COL3A1: variants seen among roughly 807,000 people sequenced by gnomAD.
The protein encoded by COL3A1 is collagen type III alpha 1 chain.
In COL3A1, 46 loss-of-function variants were observed where a neutral mutation model predicts 200.9. The ratio of observed to expected loss-of-function variants is 0.23; its 90% CI spans 0.18 to 0.29. COL3A1 has a LOEUF of 0.29. Ranked by LOEUF, COL3A1 falls within the 10% of genes least tolerant of loss-of-function variation. COL3A1 has a pLI of 1.00. For missense variants in COL3A1, 1,367 were observed against 1,917.6 expected (o/e 0.71, Z 5.36); for synonymous variants, 650 against 628.0 (o/e 1.03, Z -0.52).
At chr2:188,974,895 C>T (rs1355503437) in intron 1 of COL3A1, among the ~76,000 whole-genome samples, 1 of 152,186 alleles carries the variant, frequency 6.6e-6, no homozygotes, top group Non-Finnish European at 1.5e-5. Context: ...CTTCCCCAGG[C>T]AGTCTGGAAG....
In COL3A1 at chr2:189,004,321, G is replaced by T. The variant is rs587779511; in HGVS notation, c.2888G>T (p.Gly963Val). Residue 963 changes from glycine (G) to valine (V), a missense_variant, in exon 40 of 51, where the codon GGC (glycine) becomes GTC (valine). This residue lies in a region of COL3A1 where 846 missense variants were observed against 1,147.9 expected (regional missense o/e 0.74). Coordinates refer to ENST00000304636, the MANE Select transcript of COL3A1 (RefSeq NM_000090.4). ...GCACGGGGTCTTGCAGGACCACCAG[G>T]CATGCCAGGTCCTAGGGGAAGCCCT... ...TGARGLAGPP[G>V]MPGPRGSPGP... 1.2e-6 allele frequency: 2 copies of T among 1,607,350 alleles called. No homozygotes were observed. Among genetic ancestry groups the T allele is most frequent in the South Asian group, 1.1e-5 (1 of 88,944 alleles).
At chr2:188,993,508 A>G (rs1389831651) in intron 16 of COL3A1, 49 bp downstream of exon 16, 3 of 1,379,820 alleles carry the variant, frequency 2.2e-6, no homozygotes, top group South Asian at 1.2e-5. Flanking sequence ...TGCTTACTCC[A>G]TGAAAGCATA....
rs1033485840 is a variant in COL3A1 at position 188,982,548 on chromosome 2, T to C, written c.80-2212T>C. ...TAGCTTTAACTATTATCTTCATTTGTCTTTAATATGCCTTTAGTATTCAAT... is the reference window on the plus strand; with the variant it reads ...TAGCTTTAACTATTATCTTCATTTGCCTTTAATATGCCTTTAGTATTCAAT... On this transcript the variant is annotated intron_variant, in intron 1 of 50. Coordinates refer to ENST00000304636, the MANE Select transcript of COL3A1 (RefSeq NM_000090.4). Among the ~76,000 whole-genome samples, 4 of 151,858 alleles carry C rather than the reference T, an allele frequency of 2.6e-5. No homozygotes were observed. The South Asian group carries it at 8.3e-4, about 31-fold the overall frequency.
chr2:189,005,555 C>G (rs1688566869), intron 41 of COL3A1, 98 bp downstream of exon 41: 1 of 936,394 alleles, frequency 1.1e-6, no homozygotes, highest in African/African-American at 1.6e-5. Flanking sequence ...GTAAATATGG[C>G]CACATAGCAA....
rs1043047998 is a variant in COL3A1, at chr2:189,001,643, T to C, written c.2391+54T>C. 26 of 1,594,834 alleles carry C rather than the reference T, an allele frequency of 1.6e-5. No homozygotes were observed. The Admixed American group carries it at 3.8e-4, about 24-fold the overall frequency. On this transcript the variant is annotated intron_variant, in intron 34 of 50. Coordinates refer to ENST00000304636, the MANE Select transcript of COL3A1 (RefSeq NM_000090.4). ...TTTTTAACCCCATACAGACAGTAGC[T>C]ACTTATGCTTCCCTTTTTGGCAGTT...
At chr2:188,987,200 T>G in intron 5 of COL3A1, 61 bp downstream of exon 5, 1 of 1,348,288 alleles carries the variant, frequency 7.4e-7, no homozygotes, top group South Asian at 1.2e-5. Flanking sequence ...TGTAAAATCT[T>G]GAATGGTTGC....
intron 34 of COL3A1, among the ~76,000 whole-genome samples, chr2:189,001,890 G>T (rs1688474248): frequency 6.6e-6 from 1 of 152,090 alleles, no homozygotes; most frequent in African/African-American, 2.4e-5. Flanking sequence ...TAGAATCTTT[G>T]CCTGAGACTC....
At chr2:188,991,354 C>A in intron 11 of COL3A1, 133 bp from the exon 12 acceptor site, 1 of 665,648 alleles carries the variant, frequency 1.5e-6, no homozygotes, top group South Asian at 2.7e-5. Flanking sequence ...AAAATACTAA[C>A]AGAAAATTAA....
intron 11 of COL3A1, 115 bp downstream of exon 11, chr2:188,991,172 C>T (rs1218216249): frequency 3.6e-6 from 4 of 1,110,322 alleles, no homozygotes; most frequent in Non-Finnish European, 5.3e-6. Flanking sequence ...TGAATTTTAC[C>T]TATTAGGTGT....
At chr2:189,002,045 G>A (rs1376208358) in intron 34 of COL3A1, among the ~76,000 whole-genome samples, 1 of 152,108 alleles carries the variant, frequency 6.6e-6, no homozygotes, top group Non-Finnish European at 1.5e-5. Context: ...ATATAAATGT[G>A]TTAAATACTT....
At position 188,986,623 on chromosome 2, in the gene COL3A1, T is replaced by C. The variant is rs10172837; in HGVS notation, c.448-436T>C. Among the ~76,000 whole-genome samples the C allele has an allele frequency of 6.2e-3, 938 of 152,182 alleles. 14 individuals are homozygous for C. The highest frequency in any genetic ancestry group is 0.022 in the African/African-American group (913 of 41,564). On this transcript the variant is annotated intron_variant, in intron 4 of 50. Coordinates refer to ENST00000304636, the MANE Select transcript of COL3A1 (RefSeq NM_000090.4). ...CATATTAACCAGAATCCAGGGGATATGAATTTTACTTGTATCATTAAGTGT... is the reference window on the plus strand; with the variant it reads ...CATATTAACCAGAATCCAGGGGATACGAATTTTACTTGTATCATTAAGTGT...
Position 188,997,701 on chromosome 2 carries a change from G to C in COL3A1, c.1871G>C (p.Gly624Ala). 6.2e-7 allele frequency: 1 copy of C among 1,613,510 alleles called. No homozygotes were observed. Among genetic ancestry groups the C allele is most frequent in the Non-Finnish European group, 8.5e-7 (1 of 1,179,522 alleles). Residue 624 changes from glycine to alanine, a missense_variant and splice_region_variant, in exon 27 of 51, where the codon GGG becomes GCG. Coordinates refer to ENST00000304636, the MANE Select transcript of COL3A1 (RefSeq NM_000090.4). The stretch of plus-strand genomic sequence containing the variant: ...GAGTGTATCATTATACTTTTCTAGG[G>C]GCCTGGTGGTGACAAAGGAGACACA... ...TGPQGPPGPT[G>A]PGGDKGDTGP...
chr2:188,985,143 A>G (rs1460695954), intron 2 of COL3A1, 54 bp from the exon 3 acceptor site: 3 of 1,554,872 alleles, frequency 1.9e-6, no homozygotes, highest in South Asian at 1.1e-5. Flanking sequence ...CTGGGTTACT[A>G]AATAATATGC....
chr2:188,996,229 T>C (rs1688307272), intron 23 of COL3A1, 51 bp downstream of exon 23: 1 of 1,513,618 alleles, frequency 6.6e-7, no homozygotes, highest in South Asian at 1.1e-5. Context: ...AAATGGAATG[T>C]ATATGTTGGC....
chr2:188,991,370 T>G, intron 11 of COL3A1, 117 bp from the exon 12 acceptor site: 2 of 698,976 alleles, frequency 2.9e-6, no homozygotes, highest in Non-Finnish European at 4.6e-6. Flanking sequence ...ATTAATATTG[T>G]TAAAATGTAT....
At position 189,011,961 on chromosome 2, in the gene COL3A1, A is replaced by G. The variant is rs1039069085; in HGVS notation, c.*187A>G. On this transcript the variant is annotated 3_prime_UTR_variant, in exon 51 of 51. Coordinates refer to ENST00000304636, the MANE Select transcript of COL3A1 (RefSeq NM_000090.4). ...TTTTTTTGCTGTTCCACCAAATACAATTCAAATGCTTTTTGTTTTATTTTT... is the reference window on the plus strand; with the variant it reads ...TTTTTTTGCTGTTCCACCAAATACAGTTCAAATGCTTTTTGTTTTATTTTT... 1.7e-5 allele frequency: 11 copies of G among 641,064 alleles called. No individual in the cohort carries two copies. Among genetic ancestry groups the G allele is most frequent in the Non-Finnish European group, 2.9e-5 (11 of 375,434 alleles). 39.7% of individuals were successfully genotyped at this position (641,064 alleles called of 1,614,324 possible).
In COL3A1 at chr2:189,010,233, C is replaced by T. The variant is rs1375549964; in HGVS notation, c.3879C>T (p.Phe1293=). 2 of 1,614,012 alleles carry T rather than the reference C, an allele frequency of 1.2e-6. No individual in the cohort carries two copies. Among genetic ancestry groups the T allele is most frequent in the Admixed American group, 3.3e-5 (2 of 59,998 alleles). Residue 1293 remains phenylalanine (F), a synonymous_variant, in exon 49 of 51, where the codon TTC becomes TTT. Coordinates refer to ENST00000304636, the MANE Select transcript of COL3A1 (RefSeq NM_000090.4). ...QGCKLDAIKV[F]CNMETGETCI... The stretch of plus-strand genomic sequence containing the variant: ...GCAAATTGGATGCTATCAAGGTATT[C>T]TGTAATATGGAAACTGGGGAAACAT...
In COL3A1 at chr2:189,011,909, A is replaced by G; in HGVS notation, c.*135A>G. The G allele has an allele frequency of 1.0e-6, 1 of 953,954 alleles. No individual in the cohort carries two copies. The highest frequency in any genetic ancestry group is 1.6e-6 in the Non-Finnish European group (1 of 627,490). 59.1% of individuals were successfully genotyped at this position (953,954 alleles called of 1,614,324 possible). A position where few individuals can be genotyped will look rare whatever the true frequency, so the allele number is the denominator to read the frequency against. On this transcript the variant is annotated 3_prime_UTR_variant, in exon 51 of 51. Transcript: ENST00000304636. Reference sequence around the variant, plus strand: ...TTCCAAAATGTTTGGAAACAGTATAATTTGACAAAGAAAAATGATACTTCT... The same window carrying G: ...TTCCAAAATGTTTGGAAACAGTATAGTTTGACAAAGAAAAATGATACTTCT...
chr2:188,988,041 C>T (rs1688099325), intron 5 of COL3A1, 40 bp from the exon 6 acceptor site: 1 of 1,462,518 alleles, frequency 6.8e-7, no homozygotes, highest in Non-Finnish European at 9.6e-7. Flanking sequence ...GTGTATTTTG[C>T]ATTCATTTAT....
Sources: gnomAD v4.1 joint callset for allele counts (sites outside exome capture counted in the v4.1 genomes callset) on GRCh38, gnomAD v4.1.1 for gene constraint, gnomAD v4.1.1 regional missense constraint, MANE v1.5 for transcripts, NCBI Gene and HGNC (gene_info 2026-07-23, HGNC 2026-07-21) for gene names.